CELF2: variants seen among roughly 807,000 people sequenced by gnomAD.
CELF2 encodes the protein CUGBP Elav-like family member 2, also known as CUG triplet repeat RNA-binding protein 2.
CELF2 carries 8 observed loss-of-function variants against 62.6 expected under a neutral mutation model. The ratio of observed to expected loss-of-function variants is 0.13; its 90% CI spans 0.07 to 0.23. The LOEUF (loss-of-function observed/expected upper bound fraction) is 0.23. Among genes scored for constraint, CELF2 ranks in the 10% least tolerant of loss-of-function variants. CELF2 has a pLI of 1.00. For missense variants in CELF2, 333 were observed against 671.0 expected, an observed-to-expected ratio of 0.50 and a Z score of 5.56; for synonymous variants, 258 against 250.0, an observed-to-expected ratio of 1.03 and a Z score of -0.30.
In CELF2 at chr10:11,145,303, T is replaced by G. The variant is rs1354904459; in HGVS notation, c.75-20183T>G. Among the ~76,000 whole-genome samples, 2 of 152,192 alleles carry G rather than the reference T, an allele frequency of 1.3e-5. No homozygotes were observed. Among genetic ancestry groups the G allele is most frequent in the African/African-American group, 4.8e-5 (2 of 41,434 alleles). On this transcript the variant is annotated intron_variant, in intron 1 of 12. Transcript: ENST00000633077. This position sits in a 1 kb window ranked among gnomAD's most constrained non-coding sequence, Gnocchi z 4.3. ...TCTGTGTGGCACAGATACTTTTATG[T>G]GTTGTTGAAAGAGCTGGCTGAGCTT...
rs983866510 is a variant in CELF2 at position 10,938,800 on chromosome 10, C to T, written c.89+18801C>T. 3.9e-5 allele frequency among the ~76,000 whole-genome samples: 6 copies of T among 152,206 alleles called. No homozygotes were observed. Among genetic ancestry groups the T allele is most frequent in the Admixed American group, 6.5e-5 (1 of 15,284 alleles). On this transcript the variant is annotated intron_variant, in intron 2 of 13. Coordinates refer to the CELF2 transcript ENST00000636488. The surrounding 1 kb of genome is among the most constrained non-coding windows in gnomAD (Gnocchi z 4.2). ...TGCCTGGACAACTCAGGCTCGAGCCCGCTGGGGACCCCGTGAAGCACTGCC... is the reference window on the plus strand; with the variant it reads ...TGCCTGGACAACTCAGGCTCGAGCCTGCTGGGGACCCCGTGAAGCACTGCC...
intron 1 of CELF2, among the ~76,000 whole-genome samples, chr10:10,824,100 C>T (rs1407607167): frequency 1.3e-5 from 2 of 152,144 alleles, no homozygotes. Flanking sequence ...GATAAAAGTT[C>T]ATTTTCCCTT....
chr10:11,322,610 A>G (rs2095499368), intron 11 of CELF2, among the ~76,000 whole-genome samples: 1 of 151,898 alleles, frequency 6.6e-6, no homozygotes, highest in Non-Finnish European at 1.5e-5. Context: ...GTGGGTTTTA[A>G]GAGAACACAG....
the CELF2 span, among the ~76,000 whole-genome samples, chr10:10,490,574 G>A: frequency 7.2e-5 from 11 of 152,098 alleles, no homozygotes; most frequent in East Asian, 1.7e-3. Context: ...TGGTTGGGGG[G>A]GGGTGGAGCA....
the CELF2 span, among the ~76,000 whole-genome samples, chr10:10,583,391 G>A: frequency 6.6e-6 from 1 of 152,082 alleles, no homozygotes; most frequent in Non-Finnish European, 1.5e-5. Context: ...GAGCCCCATG[G>A]GGAAAGTAAT....
At chr10:10,810,286 G>C (rs1007191775) in intron 1 of CELF2, among the ~76,000 whole-genome samples, 1 of 152,132 alleles carries the variant, frequency 6.6e-6, no homozygotes, top group Non-Finnish European at 1.5e-5. Flanking sequence ...TCCAATTTGT[G>C]TTTCTGGCAA....
chr10:10,463,833 G>T, the CELF2 span, among the ~76,000 whole-genome samples: 1 of 151,914 alleles, frequency 6.6e-6, no homozygotes, highest in Non-Finnish European at 1.5e-5. Context: ...ATTGTTCTTT[G>T]TAAACTGGTG....
the CELF2 span, among the ~76,000 whole-genome samples, chr10:10,568,307 G>T: frequency 3.3e-5 from 5 of 151,208 alleles, no homozygotes; most frequent in East Asian, 9.8e-4. Flanking sequence ...GGATGAGTCC[G>T]GAGAAAAAAA....
the CELF2 span, among the ~76,000 whole-genome samples, chr10:10,747,809 C>T: frequency 1.3e-5 from 2 of 152,326 alleles, no homozygotes; most frequent in Middle Eastern, 3.4e-3. Flanking sequence ...AGGGTTCATG[C>T]CATTCTCCTG....
At chr10:10,733,275 C>T in the CELF2 span, among the ~76,000 whole-genome samples, 5 of 152,138 alleles carry the variant, frequency 3.3e-5, no homozygotes, top group African/African-American at 9.7e-5. Flanking sequence ...TCACATGGCT[C>T]GGACCCATAA....
chr10:11,242,763 G>A lies in CELF2; in HGVS notation c.355-6390G>A, dbSNP rs1163646234. 6.6e-6 allele frequency among the ~76,000 whole-genome samples: 1 copy of A among 152,180 alleles called. No homozygotes were observed. Among genetic ancestry groups the A allele is most frequent in the Non-Finnish European group, 1.5e-5 (1 of 68,014 alleles). On this transcript the variant is annotated intron_variant, in intron 3 of 12. Coordinates refer to ENST00000633077, the MANE Select transcript of CELF2 (RefSeq NM_001326342.2). This position sits in a 1 kb window ranked among gnomAD's most constrained non-coding sequence, Gnocchi z 4.8. ...GGCCAGCCAGGGTGAGGACCAGGGT[G>A]GACCACTCAGCTCTGGGACCCTGTG...
upstream of CELF2, among the ~76,000 whole-genome samples, chr10:10,797,877 A>G (rs2054250669): frequency 2.0e-5 from 3 of 152,244 alleles, no homozygotes; most frequent in African/African-American, 7.2e-5. Flanking sequence ...ATGAACAAAC[A>G]GTACAGGAAA....
At chr10:10,666,740 T>C in the CELF2 span, among the ~76,000 whole-genome samples, 1 of 121,930 alleles carries the variant, frequency 8.2e-6, no homozygotes, top group Admixed American at 8.1e-5. Context: ...CGGGCGCCTG[T>C]AGTCCCAGCT....
intron 1 of CELF2, chr10:11,074,922 T>C (rs2141126664): frequency 6.6e-6 from 1 of 152,340 alleles, no homozygotes; most frequent in African/African-American, 2.4e-5. Flanking sequence ...AACAAATTAG[T>C]CAAAAGTTCA....
the CELF2 span, among the ~76,000 whole-genome samples, chr10:10,695,502 G>C: frequency 1.3e-5 from 2 of 150,684 alleles, no homozygotes; most frequent in African/African-American, 4.9e-5. Flanking sequence ...TGCTCTTCTC[G>C]AGGAGTATCT....
chr10:11,229,356 A>G (rs1381946916), intron 3 of CELF2, among the ~76,000 whole-genome samples: 2 of 146,574 alleles, frequency 1.4e-5, no homozygotes, highest in Non-Finnish European at 2.9e-5. Context: ...CAGAAACCTA[A>G]TAAGATTCTT....
At chr10:10,697,568 C>G in the CELF2 span, among the ~76,000 whole-genome samples, 1 of 152,202 alleles carries the variant, frequency 6.6e-6, no homozygotes, top group East Asian at 1.9e-4. Flanking sequence ...GCTGGGAAGT[C>G]TGAGGTCAAG....
intron 1 of CELF2, among the ~76,000 whole-genome samples, chr10:10,910,078 GA>G (rs1249921406): frequency 6.6e-6 from 1 of 152,190 alleles, no homozygotes; most frequent in East Asian, 1.9e-4. Context: ...GAGTAGAGAT[GA>G]TTTTCTCTAA....
At chr10:10,494,052 G>A in the CELF2 span, among the ~76,000 whole-genome samples, 1 of 152,174 alleles carries the variant, frequency 6.6e-6, no homozygotes. Context: ...TCTCTGAGAA[G>A]TTTACACTAA....
Sources: gnomAD v4.1 joint callset for allele counts (sites outside exome capture counted in the v4.1 genomes callset) on GRCh38, gnomAD v4.1.1 for gene constraint, Gnocchi (gnomAD v3.1) non-coding constraint, MANE v1.5 for transcripts, NCBI Gene and HGNC (gene_info 2026-07-23, HGNC 2026-07-21) for gene names.